Variants in SIPA1L2 observed in about 807,000 individuals in gnomAD.
SIPA1L2 encodes the protein signal-induced proliferation-associated 1-like protein 2.
A neutral mutation model predicts 163.9 loss-of-function variants in SIPA1L2; 56 were observed. The observed-to-expected ratio is 0.34, with a 90% CI of 0.28 to 0.43. The LOEUF (loss-of-function observed/expected upper bound fraction) is 0.43. Among genes scored for constraint, SIPA1L2 ranks in the 20% least tolerant of loss-of-function variants. SIPA1L2 has a pLI of 1.00. For synonymous variants in SIPA1L2, 877 were observed against 865.7 expected (o/e 1.01, Z -0.23); for missense variants, 1,974 against 2,193.5 (o/e 0.90, Z 2.00).
rs544607861 is a variant in SIPA1L2 at position 232,399,036 on chromosome 1, T to C, written c.*91A>G. 1.4e-5 allele frequency: 22 copies of C among 1,553,218 alleles called. No homozygotes were observed. Among genetic ancestry groups the C allele is most frequent in the Admixed American group, 1.0e-4 (6 of 57,264 alleles). On this transcript the variant is annotated 3_prime_UTR_variant, in exon 23 of 23. Coordinates refer to ENST00000674635, the MANE Select transcript of SIPA1L2 (RefSeq NM_020808.5). ...AATGGAACAGCAAAAACATCTACGATTGGTTGAAAGCACACAGAAAAACCA... is the reference window on the plus strand; with the variant it reads ...AATGGAACAGCAAAAACATCTACGACTGGTTGAAAGCACACAGAAAAACCA...
At chr1:232,432,506 TC>T in intron 15 of SIPA1L2, 35 bp from the exon 16 acceptor site, 1 of 1,593,510 alleles carries the variant, frequency 6.3e-7, no homozygotes, top group Non-Finnish European at 8.6e-7. Flanking sequence ...TGCAATACAA[TC>T]TGATTTCAGC....
intron 2 of SIPA1L2, among the ~76,000 whole-genome samples, chr1:232,546,812 A>C (rs1229327183): frequency 6.6e-6 from 1 of 152,174 alleles, no homozygotes; most frequent in African/African-American, 2.4e-5. Flanking sequence ...CAGCACTATG[A>C]AGGCATCAAG....
At chr1:232,448,548 A>G (rs1226804513) in intron 10 of SIPA1L2, among the ~76,000 whole-genome samples, 2 of 152,230 alleles carry the variant, frequency 1.3e-5, no homozygotes, top group African/African-American at 4.8e-5. Context: ...AACAACCTCA[A>G]CTGCCAACTG....
At chr1:232,570,041 T>C (rs934197893) in intron 2 of SIPA1L2, among the ~76,000 whole-genome samples, 4 of 152,160 alleles carry the variant, frequency 2.6e-5, no homozygotes, top group African/African-American at 9.7e-5. Flanking sequence ...AAACAGCACC[T>C]TTCTGATAAG....
intron 2 of SIPA1L2, among the ~76,000 whole-genome samples, chr1:232,548,819 G>A (rs536825908): frequency 6.6e-6 from 1 of 152,290 alleles, no homozygotes; most frequent in Admixed American, 6.5e-5. Context: ...ATGGATCCAG[G>A]CAGGGGACGC....
chr1:232,410,545 A>AATATATATATAT (rs35712001), intron 19 of SIPA1L2, among the ~76,000 whole-genome samples: 86 of 148,940 alleles, frequency 5.8e-4, no homozygotes, highest in East Asian at 5.6e-3. Flanking sequence ...TGAATTTCAA[A>AATATATATATAT]ATATATATAT....
chr1:232,428,943 C>T (rs1031639332), intron 16 of SIPA1L2, among the ~76,000 whole-genome samples: 2 of 152,106 alleles, frequency 1.3e-5, no homozygotes, highest in African/African-American at 2.4e-5. Flanking sequence ...TGTGCTCTCG[C>T]GGCTGGACAA....
chr1:232,478,066 C>G (rs1351871914), intron 7 of SIPA1L2, among the ~76,000 whole-genome samples: 1 of 152,144 alleles, frequency 6.6e-6, no homozygotes, highest in Non-Finnish European at 1.5e-5. Context: ...GGACAACTGT[C>G]CTGGTCTAAA....
At chr1:232,497,446 T>C (rs988223799) in intron 3 of SIPA1L2, among the ~76,000 whole-genome samples, 2 of 152,108 alleles carry the variant, frequency 1.3e-5, no homozygotes. Context: ...CCACAGCCTG[T>C]CAGTGGGGAC....
At chr1:232,582,218 G>A (rs1263464395) in intron 1 of SIPA1L2, among the ~76,000 whole-genome samples, 2 of 152,008 alleles carry the variant, frequency 1.3e-5, no homozygotes, top group South Asian at 4.1e-4. Context: ...GGGTACATGT[G>A]CAGGTTTGTT....
Position 232,464,944 on chromosome 1 carries a change from C to T in SIPA1L2, c.2716G>A (p.Gly906Arg), listed in dbSNP as rs765264263. 1 of 1,614,212 alleles carries T rather than the reference C, an allele frequency of 6.2e-7. No individual in the cohort carries two copies. Among genetic ancestry groups the T allele is most frequent in the East Asian group, 2.2e-5 (1 of 44,882 alleles). ...TAAAACACTTTGATACTCACTAATC[C>T]AGATGTCCACCCAATCACATCCCTG... ...SCRDVIGWTSGLVSIKVFYER... is the reference protein window; with the variant it reads ...SCRDVIGWTSRLVSIKVFYER... The change falls in exon 9 of 23, where the codon GGA becomes AGA. Residue 906 changes from glycine to arginine, a missense_variant. By Grantham distance (125) the Gly-to-Arg change is moderately radical (BLOSUM62 -2). Coordinates refer to ENST00000674635, the MANE Select transcript of SIPA1L2 (RefSeq NM_020808.5).
At chr1:232,612,419 TG>T (rs1662288840) in intron 1 of SIPA1L2, among the ~76,000 whole-genome samples, 1 of 152,138 alleles carries the variant, frequency 6.6e-6, no homozygotes, top group Non-Finnish European at 1.5e-5. Context: ...TGCCAGCCCA[TG>T]AAAGCAGCTG....
At chr1:232,608,195 A>G (rs1446072215) in intron 1 of SIPA1L2, among the ~76,000 whole-genome samples, 2 of 152,112 alleles carry the variant, frequency 1.3e-5, no homozygotes, top group East Asian at 3.9e-4. Flanking sequence ...ACAGGCATAC[A>G]TCACCACACC....
At chr1:232,623,486 T>TA (rs1481295667) in intron 1 of SIPA1L2, among the ~76,000 whole-genome samples, 2 of 152,072 alleles carry the variant, frequency 1.3e-5, no homozygotes, top group Non-Finnish European at 2.9e-5. Context: ...CAGGCACCTG[T>TA]AGTCCCAGCT....
intron 18 of SIPA1L2, 73 bp from the exon 19 acceptor site, chr1:232,415,698 TGGG>T (rs1661208153): frequency 6.3e-7 from 1 of 1,586,062 alleles, no homozygotes; most frequent in Non-Finnish European, 8.6e-7. Context: ...AGTCAGAACA[TGGG>T]CACCACTGCC....
intron 3 of SIPA1L2, among the ~76,000 whole-genome samples, chr1:232,501,585 T>C (rs1294765309): frequency 1.3e-5 from 2 of 152,206 alleles, no homozygotes; most frequent in Non-Finnish European, 2.9e-5. Flanking sequence ...GTACCCACTT[T>C]AGTTAAGTGC....
At chr1:232,622,381 A>G (rs1210372593) in intron 1 of SIPA1L2, among the ~76,000 whole-genome samples, 1 of 152,244 alleles carries the variant, frequency 6.6e-6, no homozygotes, top group Non-Finnish European at 1.5e-5. Context: ...GGGGTTTTTA[A>G]ACATCATGAT....
At chr1:232,411,539 T>G (rs572297300) in intron 19 of SIPA1L2, among the ~76,000 whole-genome samples, 4 of 152,192 alleles carry the variant, frequency 2.6e-5, no homozygotes, top group Non-Finnish European at 5.9e-5. Flanking sequence ...AAAGAAAAAC[T>G]CAGGTTGTTA....
intron 1 of SIPA1L2, among the ~76,000 whole-genome samples, chr1:232,613,185 G>T (rs1023438652): frequency 2.0e-5 from 3 of 152,128 alleles, no homozygotes; most frequent in Non-Finnish European, 4.4e-5. Context: ...CCAGTCTCGG[G>T]TATGTCTTTT....
Sources: gnomAD v4.1 joint callset for allele counts (sites outside exome capture counted in the v4.1 genomes callset) on GRCh38, gnomAD v4.1.1 for gene constraint, MANE v1.5 for transcripts, NCBI Gene and HGNC (gene_info 2026-07-23, HGNC 2026-07-21) for gene names.